Variants in WWOX observed in about 807,000 individuals in gnomAD.
WWOX encodes WW domain-containing oxidoreductase.
A neutral mutation model predicts 46.2 loss-of-function variants in WWOX; 69 were observed. The ratio of observed to expected loss-of-function variants is 1.49; its 90% CI spans 1.23 to 1.82. WWOX has a LOEUF of 1.82. Among genes scored for constraint, WWOX ranks in the 40% most tolerant of loss-of-function variants. The pLI is 0.00. For missense variants in WWOX, 919 were observed against 542.6 expected (o/e 1.69, Z -6.89); for synonymous variants, 359 against 202.6 (o/e 1.77, Z -6.56).
At chr16:78,775,518 G>A (rs536580584) in intron 8 of WWOX, among the ~76,000 whole-genome samples, 7 of 152,214 alleles carry the variant, frequency 4.6e-5, no homozygotes, top group African/African-American at 1.7e-4. Flanking sequence ...TCCGGGGGGT[G>A]GGGTATCAAG....
chr16:78,441,959 A>AGTGTGTGTGT (rs145693201), intron 8 of WWOX, among the ~76,000 whole-genome samples: 10 of 139,796 alleles, frequency 7.2e-5, no homozygotes, highest in African/African-American at 1.8e-4. Flanking sequence ...TATGCGCATG[A>AGTGTGTGTGT]GTGTGTGTGT....
chr16:78,702,008 T>TAC (rs1491358700), intron 8 of WWOX, among the ~76,000 whole-genome samples: 40 of 5,182 alleles, frequency 7.7e-3, no homozygotes, highest in African/African-American at 0.029. Context: ...TACATAAAAT[T>TAC]ATATATATAT....
chr16:79,078,194 C>T (rs1005981274), intron 8 of WWOX: 4 of 152,208 alleles, frequency 2.6e-5, no homozygotes, highest in Admixed American at 2.6e-4. Flanking sequence ...TCATTTCAGA[C>T]ATTCAGATAA....
At chr16:79,083,441 A>G (rs2048798024) in intron 8 of WWOX, among the ~76,000 whole-genome samples, 1 of 152,122 alleles carries the variant, frequency 6.6e-6, no homozygotes, top group Admixed American at 6.5e-5. Flanking sequence ...AATGTCAAGA[A>G]CAAAGCTGTG....
chr16:78,115,250 T>A, intron 4 of WWOX, 96 bp downstream of exon 4: 1 of 1,417,216 alleles, frequency 7.1e-7, no homozygotes. Context: ...GTTCTCTGAT[T>A]TAAACATGAC....
intron 8 of WWOX, among the ~76,000 whole-genome samples, chr16:79,188,332 A>C (rs1289933935): frequency 1.3e-5 from 2 of 152,182 alleles, no homozygotes; most frequent in African/African-American, 4.8e-5. Flanking sequence ...CACAGCTTTG[A>C]GTCGTGACCG....
At chr16:78,868,666 T>G (rs997703437) in intron 8 of WWOX, among the ~76,000 whole-genome samples, 1 of 152,188 alleles carries the variant, frequency 6.6e-6, no homozygotes. Flanking sequence ...TCCAACAGTT[T>G]AGCAAGAGTC....
At position 79,048,917 on chromosome 16, in the gene WWOX, C is replaced by T. The variant is rs762081273; in HGVS notation, c.1057-162691C>T. Among the ~76,000 whole-genome samples, 5 of 152,160 alleles carry T rather than the reference C, an allele frequency of 3.3e-5. No individual in the cohort carries two copies. In the South Asian group the frequency reaches 6.2e-4, roughly 19 times the overall value. ...GACCTCCAGAACTGTAAGGGACCCC[C>T]GCCTTTGGTACAGAGATGGGAGTTA... On this transcript the variant is annotated intron_variant, in intron 8 of 8. Coordinates refer to ENST00000566780, the MANE Select transcript of WWOX (RefSeq NM_016373.4).
Position 78,530,865 on chromosome 16 carries a change from C to T in WWOX, c.1056+98113C>T, listed in dbSNP as rs375812880. Among the ~76,000 whole-genome samples the T allele has an allele frequency of 5.5e-4, 83 of 152,218 alleles. 1 individual carries two copies. In the East Asian group the frequency reaches 0.013, roughly 24 times the overall value. The stretch of plus-strand genomic sequence containing the variant: ...CATTGATTGAGTGTGGATAATAATC[C>T]AGGAGCTGTGCTAAACGTTTTACAA... On this transcript the variant is annotated intron_variant, in intron 8 of 8. Coordinates refer to ENST00000566780, the MANE Select transcript of WWOX (RefSeq NM_016373.4).
chr16:78,968,544 A>G (rs2046408773), intron 8 of WWOX, among the ~76,000 whole-genome samples: 1 of 152,214 alleles, frequency 6.6e-6, no homozygotes, highest in South Asian at 2.1e-4. Context: ...GATGACTGTT[A>G]TAAGTTGGTT....
intron 5 of WWOX, among the ~76,000 whole-genome samples, chr16:78,348,642 G>A (rs62033388): frequency 0.098 from 11,615 of 118,268 alleles, 3,517 homozygotes; most frequent in Middle Eastern, 0.18. Context: ...ATTTTCTGTA[G>A]AGACGGGCTT....
intron 8 of WWOX, among the ~76,000 whole-genome samples, chr16:78,567,836 G>A (rs1412763730): frequency 1.3e-5 from 2 of 152,086 alleles, no homozygotes; most frequent in African/African-American, 2.4e-5. Flanking sequence ...GCCCATTACC[G>A]GCTGGAGTGA....
At chr16:78,686,174 C>A (rs1171523950) in intron 8 of WWOX, among the ~76,000 whole-genome samples, 3 of 152,174 alleles carry the variant, frequency 2.0e-5, no homozygotes, top group African/African-American at 7.2e-5. Flanking sequence ...GAATCTGGTT[C>A]TCAAAGTGTG....
At chr16:79,164,343 C>G (rs1370570948) in intron 8 of WWOX, among the ~76,000 whole-genome samples, 1 of 152,066 alleles carries the variant, frequency 6.6e-6, no homozygotes. Context: ...GCCATGATTG[C>G]TTTTAGATTG....
At chr16:78,896,900 C>G (rs1021143554) in intron 8 of WWOX, 1 of 151,724 alleles carries the variant, frequency 6.6e-6, no homozygotes, top group Non-Finnish European at 1.5e-5. Context: ...TATACGTGTA[C>G]ATAATCATGG....
chr16:78,708,881 C>A (rs2048379750), intron 8 of WWOX, among the ~76,000 whole-genome samples: 1 of 152,156 alleles, frequency 6.6e-6, no homozygotes, highest in Admixed American at 6.5e-5. Context: ...TCAGTATAAG[C>A]TGGTTGTTGA....
At chr16:78,611,234 T>A (rs146047926) in intron 8 of WWOX, among the ~76,000 whole-genome samples, 1 of 152,080 alleles carries the variant, frequency 6.6e-6, no homozygotes, top group African/African-American at 2.4e-5. Flanking sequence ...CGTGAGACTT[T>A]TGGTGAAAGA....
chr16:78,282,770 C>G (rs891062342), intron 5 of WWOX, among the ~76,000 whole-genome samples: 2 of 150,110 alleles, frequency 1.3e-5, no homozygotes, highest in Non-Finnish European at 2.9e-5. Context: ...CCCAGTTACT[C>G]AGGAGGCTGA....
At position 78,620,398 on chromosome 16, in the gene WWOX, G is replaced by A. The variant is rs901544615; in HGVS notation, c.1056+187646G>A. On this transcript the variant is annotated intron_variant, in intron 8 of 8. Transcript: ENST00000566780. Reference sequence around the variant, plus strand: ...TTTCCTCCAACAGACTCGTGTAGAAGTTTCTGTATCAACTGGAAAAAACCA... The same window carrying A: ...TTTCCTCCAACAGACTCGTGTAGAAATTTCTGTATCAACTGGAAAAAACCA... Among the ~76,000 whole-genome samples the A allele has an allele frequency of 6.6e-5, 10 of 152,144 alleles. No individual in the cohort carries two copies. The South Asian group carries it at 2.1e-3, about 32-fold the overall frequency.
Sources: gnomAD v4.1 joint callset for allele counts (sites outside exome capture counted in the v4.1 genomes callset) on GRCh38, gnomAD v4.1.1 for gene constraint, MANE v1.5 for transcripts, NCBI Gene and HGNC (gene_info 2026-07-23, HGNC 2026-07-21) for gene names.